The following TRIO variants were observed in gnomAD, a reference collection of about 807,000 sequenced individuals.
TRIO encodes the protein trio Rho guanine nucleotide exchange factor, also known as triple functional domain protein.
In TRIO, 58 loss-of-function variants were observed where a neutral mutation model predicts 351.9. The observed-to-expected ratio is 0.16, with a 90% CI of 0.13 to 0.21. The LOEUF is 0.21. Among genes scored for constraint, TRIO ranks in the 10% least tolerant of loss-of-function variants. The pLI, the probability that TRIO is intolerant of heterozygous loss-of-function variation, is 1.00. For missense variants in TRIO, 3,201 were observed against 4,027.8 expected (o/e 0.79, Z 5.56); for synonymous variants, 1,758 against 1,595.7 (o/e 1.10, Z -2.42).
intron 1 of TRIO, among the ~76,000 whole-genome samples, chr5:14,237,440 G>C (rs1366510673): frequency 6.6e-6 from 1 of 152,132 alleles, no homozygotes; most frequent in Non-Finnish European, 1.5e-5. Context: ...CGTGTGATGG[G>C]GCCCGTAAGA....
At chr5:14,483,896 T>TCTGAACTGTGCACCCATGCC (rs1034711172) in intron 46 of TRIO, among the ~76,000 whole-genome samples, 1 of 152,054 alleles carries the variant, frequency 6.6e-6, no homozygotes, top group Non-Finnish European at 1.5e-5. Flanking sequence ...GCAGCCATCA[T>TCTGAACTGTGCACCCATGCC]CTGAACTGTG....
intron 21 of TRIO, among the ~76,000 whole-genome samples, chr5:14,381,608 C>A (rs1338445203): frequency 1.3e-5 from 2 of 152,058 alleles, no homozygotes; most frequent in East Asian, 3.9e-4. Context: ...CCAAGTTGAC[C>A]TTTATGTATT....
chr5:14,501,214 A>T (rs1389958342), intron 53 of TRIO, among the ~76,000 whole-genome samples: 3 of 152,204 alleles, frequency 2.0e-5, no homozygotes, highest in Non-Finnish European at 4.4e-5. Context: ...ATTTTTATTA[A>T]TGCTTCTCTC....
intron 2 of TRIO, among the ~76,000 whole-genome samples, chr5:14,276,822 T>C (rs1172605640): frequency 6.6e-6 from 1 of 152,244 alleles, no homozygotes; most frequent in African/African-American, 2.4e-5. Context: ...GTTTCTGTGG[T>C]CATCCTGGGC....
chr5:14,311,883 T>C (rs914093277), intron 8 of TRIO, among the ~76,000 whole-genome samples: 3 of 152,242 alleles, frequency 2.0e-5, no homozygotes, highest in Non-Finnish European at 2.9e-5. Context: ...TGTCTTGGTG[T>C]ATTTTGCCTG....
intron 4 of TRIO, among the ~76,000 whole-genome samples, chr5:14,288,043 T>A (rs1736593005): frequency 6.6e-6 from 1 of 152,214 alleles, no homozygotes; most frequent in African/African-American, 2.4e-5. Flanking sequence ...ATGAACTTAG[T>A]TTTAAATTTG....
chr5:14,404,119 GGTATC>G (rs1323856391), intron 31 of TRIO, among the ~76,000 whole-genome samples: 2 of 151,800 alleles, frequency 1.3e-5, no homozygotes, highest in African/African-American at 2.4e-5. Context: ...TAGAAGTAGA[GGTATC>G]GTGCTGCTGG....
chr5:14,455,871 G>A (rs927018582), intron 34 of TRIO, among the ~76,000 whole-genome samples: 30 of 152,382 alleles, frequency 2.0e-4, no homozygotes, highest in African/African-American at 5.5e-4. Context: ...GGAGCTGCCC[G>A]CCAGTCCCGC....
At chr5:14,208,340 AT>A (rs1791668754) in intron 1 of TRIO, among the ~76,000 whole-genome samples, 1 of 152,258 alleles carries the variant, frequency 6.6e-6, no homozygotes, top group African/African-American at 2.4e-5. Flanking sequence ...TAAGGAACAA[AT>A]TTCTGACACA....
At chr5:14,197,104 T>C (rs780564624) in intron 1 of TRIO, among the ~76,000 whole-genome samples, 7 of 152,202 alleles carry the variant, frequency 4.6e-5, no homozygotes, top group Non-Finnish European at 4.4e-5. Flanking sequence ...TTGTGAACTT[T>C]CTCTGGAATC....
chr5:14,244,698 A>C (rs1015243757), intron 1 of TRIO, among the ~76,000 whole-genome samples: 4 of 152,196 alleles, frequency 2.6e-5, no homozygotes, highest in African/African-American at 9.7e-5. Context: ...TTGACTCCTC[A>C]CCGTAGCCCA....
intron 8 of TRIO, among the ~76,000 whole-genome samples, chr5:14,307,830 A>G (rs546412566): frequency 6.6e-6 from 1 of 152,214 alleles, no homozygotes; most frequent in South Asian, 2.1e-4. Context: ...TTCTGTATTT[A>G]TTAGGTGGCT....
At chr5:14,241,031 G>A (rs1270174366) in intron 1 of TRIO, among the ~76,000 whole-genome samples, 1 of 152,150 alleles carries the variant, frequency 6.6e-6, no homozygotes, top group African/African-American at 2.4e-5. Context: ...AAATAGCATT[G>A]TATGTCAATA....
chr5:14,398,790 A>C (rs1747827760), intron 29 of TRIO, 90 bp from the exon 30 acceptor site: 1 of 1,314,742 alleles, frequency 7.6e-7, no homozygotes, highest in African/African-American at 1.7e-5. Context: ...GGGCATTTTT[A>C]AAATTGTTGA....
chr5:14,459,754 A>G (rs1007273312), intron 34 of TRIO, among the ~76,000 whole-genome samples: 1 of 152,062 alleles, frequency 6.6e-6, no homozygotes, highest in African/African-American at 2.4e-5. Context: ...AAAACAAAGA[A>G]AAATTGGATT....
chr5:14,354,733 CA>C (rs1338560665), intron 11 of TRIO, among the ~76,000 whole-genome samples: 2 of 152,306 alleles, frequency 1.3e-5, no homozygotes, highest in Non-Finnish European at 2.9e-5. Context: ...GGCAGTGGGA[CA>C]GAGTAATAAG....
At chr5:14,296,526 C>G (rs560120784) in intron 6 of TRIO, among the ~76,000 whole-genome samples, 103 of 152,320 alleles carry the variant, frequency 6.8e-4, no homozygotes, top group African/African-American at 2.4e-3. Context: ...TACTGCAATT[C>G]ATATTCCTGG....
chr5:14,421,645 A>G (rs1415849628), intron 34 of TRIO, among the ~76,000 whole-genome samples: 2 of 150,868 alleles, frequency 1.3e-5, no homozygotes, highest in Admixed American at 1.3e-4. Flanking sequence ...TTGCAGTGTT[A>G]GGAGCTGCGC....
intron 11 of TRIO, among the ~76,000 whole-genome samples, chr5:14,340,270 G>T (rs940135470): frequency 1.3e-5 from 2 of 151,874 alleles, no homozygotes; most frequent in African/African-American, 4.8e-5. Context: ...GGTGGCGGGC[G>T]CCTGTAGTCC....
Sources: gnomAD v4.1 joint callset for allele counts (sites outside exome capture counted in the v4.1 genomes callset) on GRCh38, gnomAD v4.1.1 for gene constraint, MANE v1.5 for transcripts, NCBI Gene and HGNC (gene_info 2026-07-23, HGNC 2026-07-21) for gene names.